PIEZO2: variants seen among roughly 807,000 people sequenced by gnomAD.
The protein encoded by PIEZO2 is piezo type mechanosensitive ion channel component 2.
Under a neutral mutation model 337.3 loss-of-function variants are expected in PIEZO2, and 172 were observed. The ratio of observed to expected loss-of-function variants is 0.51; its 90% CI spans 0.45 to 0.58. The LOEUF (loss-of-function observed/expected upper bound fraction) is 0.58, where lower values mean the gene tolerates loss of function less well. Ranked by LOEUF, PIEZO2 falls within the 20% of genes least tolerant of loss-of-function variation. The pLI is 0.00. For missense variants in PIEZO2, 3,028 were observed against 3,391.3 expected (o/e 0.89, Z 2.66); for synonymous variants, 1,251 against 1,228.5 (o/e 1.02, Z -0.38).
At chr18:10,689,015 C>G (rs944853840) in intron 49 of PIEZO2, among the ~76,000 whole-genome samples, 5 of 152,152 alleles carry the variant, frequency 3.3e-5, no homozygotes, top group Non-Finnish European at 7.3e-5. Flanking sequence ...CAGAACACAC[C>G]AGGAATCATA....
In PIEZO2 at chr18:10,767,579, G is replaced by A. The variant is rs552225685; in HGVS notation, c.2946+2569C>T. ...GAGCTAATGACTCGGAGCCCGATGCGTGAACCCTGGAGCTTGGGCACTGGT... is the reference window on the plus strand; with the variant it reads ...GAGCTAATGACTCGGAGCCCGATGCATGAACCCTGGAGCTTGGGCACTGGT... On this transcript the variant is annotated intron_variant, in intron 21 of 55. Coordinates refer to ENST00000674853, the MANE Select transcript of PIEZO2 (RefSeq NM_001378183.1). This position sits in a 1 kb window ranked among gnomAD's most constrained non-coding sequence, Gnocchi z 4.2. Among the ~76,000 whole-genome samples the A allele has an allele frequency of 1.1e-4, 17 of 152,298 alleles. No homozygotes were observed. Among genetic ancestry groups the A allele is most frequent in the African/African-American group, 3.8e-4 (16 of 41,576 alleles).
intron 2 of PIEZO2, among the ~76,000 whole-genome samples, chr18:11,034,071 T>C (rs1420863589): frequency 6.6e-6 from 1 of 152,134 alleles, no homozygotes; most frequent in Non-Finnish European, 1.5e-5. Flanking sequence ...TCTCACCCAA[T>C]GCTGTGTGTG....
rs1456231968 is a variant in PIEZO2 at position 10,982,722 on chromosome 18, T to C, written c.161-3062A>G. Among the ~76,000 whole-genome samples the C allele has an allele frequency of 6.6e-6, 1 of 151,580 alleles. No homozygotes were observed. The highest frequency in any genetic ancestry group is 1.5e-5 in the Non-Finnish European group (1 of 67,974). ...TAAAATATGTTATAAAACCATATGT[T>C]TATTTATTTTTTTTTTGAGACAGGG... On this transcript the variant is annotated intron_variant, in intron 2 of 55. Transcript: ENST00000674853. This position sits in a 1 kb window ranked among gnomAD's most constrained non-coding sequence, Gnocchi z 4.1.
chr18:10,931,326 A>G (rs1460690578), intron 3 of PIEZO2, among the ~76,000 whole-genome samples: 1 of 152,040 alleles, frequency 6.6e-6, no homozygotes, highest in Non-Finnish European at 1.5e-5. Flanking sequence ...CAGCCTCCCA[A>G]GTAGCTGGGA....
intron 8 of PIEZO2, among the ~76,000 whole-genome samples, chr18:10,805,237 A>T (rs1295391358): frequency 6.6e-6 from 1 of 152,236 alleles, no homozygotes; most frequent in Non-Finnish European, 1.5e-5. Context: ...AATAGTTCCC[A>T]TCGTGGTGGC....
rs75952706 is a variant in PIEZO2 at position 11,126,561 on chromosome 18, G to C, written c.64+21964C>G. 1.3e-5 allele frequency among the ~76,000 whole-genome samples: 2 copies of C among 151,802 alleles called. No individual in the cohort carries two copies. The highest frequency in any genetic ancestry group is 2.9e-5 in the Non-Finnish European group (2 of 67,996). ...ATACCATCAGCAATTTTTTTACTCT[G>C]AGAACTACAGAGAAGCTGAACTATC... On this transcript the variant is annotated intron_variant, in intron 1 of 55. Transcript: ENST00000674853. The surrounding 1 kb of genome is among the most constrained non-coding windows in gnomAD (Gnocchi z 4.6).
intron 2 of PIEZO2, among the ~76,000 whole-genome samples, chr18:11,013,138 T>C (rs921992365): frequency 6.6e-6 from 1 of 152,222 alleles, no homozygotes; most frequent in African/African-American, 2.4e-5. Context: ...TACTTTACAA[T>C]GCAAAAAGGA....
rs972969995 is a variant in PIEZO2, at chr18:10,794,345, T to C, written c.1758+427A>G. 1.3e-5 allele frequency among the ~76,000 whole-genome samples: 2 copies of C among 152,196 alleles called. No individual in the cohort carries two copies. The highest frequency in any genetic ancestry group is 4.8e-5 in the African/African-American group (2 of 41,450). On this transcript the variant is annotated intron_variant, in intron 13 of 55. Coordinates refer to ENST00000674853, the MANE Select transcript of PIEZO2 (RefSeq NM_001378183.1). This position sits in a 1 kb window ranked among gnomAD's most constrained non-coding sequence, Gnocchi z 6.6. Reference sequence around the variant, plus strand: ...GCTAAAAATGTTCTTTAGGAAAGAATTGGAGAAAAACGTCATGAATAATCA... The same window carrying C: ...GCTAAAAATGTTCTTTAGGAAAGAACTGGAGAAAAACGTCATGAATAATCA...
chr18:11,142,135 C>A (rs982749418), intron 1 of PIEZO2, among the ~76,000 whole-genome samples: 7 of 152,010 alleles, frequency 4.6e-5, no homozygotes, highest in Non-Finnish European at 8.8e-5. Flanking sequence ...TAAAGCAAGG[C>A]AAATAAAACT....
At chr18:11,107,550 G>A (rs1357450285) in intron 1 of PIEZO2, among the ~76,000 whole-genome samples, 1 of 152,104 alleles carries the variant, frequency 6.6e-6, no homozygotes, top group Admixed American at 6.5e-5. Context: ...GTATTATGTG[G>A]TTTACAGGAA....
chr18:10,834,638 A>C lies in PIEZO2; in HGVS notation c.917+20715T>G, dbSNP rs2040950035. Among the ~76,000 whole-genome samples, 1 of 152,172 alleles carries C rather than the reference A, an allele frequency of 6.6e-6. No homozygotes were observed. Among genetic ancestry groups the C allele is most frequent in the Non-Finnish European group, 1.5e-5 (1 of 68,038 alleles). ...GATTTCATGAGGTAGGTATCATGTA[A>C]GCAACTGTAGGAAGAAGAAGCCAAA... On this transcript the variant is annotated intron_variant, in intron 7 of 55. Coordinates refer to ENST00000674853, the MANE Select transcript of PIEZO2 (RefSeq NM_001378183.1). This position sits in a 1 kb window ranked among gnomAD's most constrained non-coding sequence, Gnocchi z 4.5.
At chr18:10,697,578 A>G (rs2035150000) in intron 45 of PIEZO2, among the ~76,000 whole-genome samples, 170 bp downstream of exon 45, 2 of 152,274 alleles carry the variant, frequency 1.3e-5, no homozygotes, top group South Asian at 4.1e-4. Context: ...ACACTTACAG[A>G]AAAATGATTT....
chr18:10,799,190 A>C (rs998891630), intron 11 of PIEZO2, among the ~76,000 whole-genome samples: 1 of 151,714 alleles, frequency 6.6e-6, no homozygotes, highest in African/African-American at 2.4e-5. Flanking sequence ...CCACAGATGC[A>C]AATTGGAGAG....
Position 10,720,234 on chromosome 18 carries a change from G to GTGTGTGTGTATATATATATATATATATA in PIEZO2, c.5030-1976_5030-1975insTATATATATATATATATATACACACACA, listed in dbSNP as rs1225106343. Among the ~76,000 whole-genome samples the GTGTGTGTGTATATATATATATATATATA allele has an allele frequency of 2.3e-4, 27 of 119,910 alleles. 2 individuals carry two copies. The East Asian group carries it at 4.0e-3, about 18-fold the overall frequency. 78.7% of individuals were successfully genotyped at this position (119,910 alleles called of 152,430 possible). On this transcript the variant is annotated intron_variant, in intron 36 of 55. Coordinates refer to ENST00000674853, the MANE Select transcript of PIEZO2 (RefSeq NM_001378183.1). ...TATATATGAATATATGTGTGTGTGT[G>GTGTGTGTGTATATATATATATATATATA]TATATATATATATATGGAGCCCAGG...
chr18:10,739,344 A>G (rs2037128205), intron 33 of PIEZO2: 1 of 152,250 alleles, frequency 6.6e-6, no homozygotes, highest in South Asian at 2.1e-4. Flanking sequence ...GGTGAAATGA[A>G]CCAGAAAATC....
chr18:10,993,967 T>C lies in PIEZO2; in HGVS notation c.161-14307A>G, dbSNP rs901049883. Among the ~76,000 whole-genome samples, 2 of 152,192 alleles carry C rather than the reference T, an allele frequency of 1.3e-5. No homozygotes were observed. The highest frequency in any genetic ancestry group is 4.8e-5 in the African/African-American group (2 of 41,438). Reference sequence around the variant, plus strand: ...TGGTGTACCCATCACCCAAGAAGTATACACTGAAGCCAATTTGTATGCTTT... The same window carrying C: ...TGGTGTACCCATCACCCAAGAAGTACACACTGAAGCCAATTTGTATGCTTT... On this transcript the variant is annotated intron_variant, in intron 2 of 55. Coordinates refer to ENST00000674853, the MANE Select transcript of PIEZO2 (RefSeq NM_001378183.1). This position sits in a 1 kb window ranked among gnomAD's most constrained non-coding sequence, Gnocchi z 5.0.
chr18:10,867,305 T>TA (rs767567201), intron 5 of PIEZO2, among the ~76,000 whole-genome samples: 200 of 152,076 alleles, frequency 1.3e-3, no homozygotes, highest in Non-Finnish European at 2.4e-3. Context: ...TCTTGCTCTT[T>TA]AAAAAAAACA....
At chr18:10,691,438 G>T in intron 47 of PIEZO2, 55 bp from the exon 48 acceptor site, 1 of 1,543,714 alleles carries the variant, frequency 6.5e-7, no homozygotes, top group Non-Finnish European at 8.8e-7. Flanking sequence ...TGAAACAAAA[G>T]GATGGCAGTG....
chr18:10,929,186 C>G lies in PIEZO2; in HGVS notation c.287-17958G>C, dbSNP rs1404312580. 2.0e-5 allele frequency among the ~76,000 whole-genome samples: 3 copies of G among 152,254 alleles called. No homozygotes were observed. The East Asian group carries it at 5.8e-4, about 29-fold the overall frequency. ...ATGAATTAGAGCCATAGAAAACACT[C>G]TTGTTTATGTGATGAGCTGGAGCAC... On this transcript the variant is annotated intron_variant, in intron 3 of 55. Transcript: ENST00000674853. The surrounding 1 kb of genome is among the most constrained non-coding windows in gnomAD (Gnocchi z 5.6).
Sources: allele counts gnomAD v4.1 joint callset (sites outside exome capture counted in the v4.1 genomes callset), GRCh38; gene constraint gnomAD v4.1.1; non-coding constraint Gnocchi (gnomAD v3.1); transcripts MANE v1.5; gene names NCBI Gene and HGNC (gene_info 2026-07-23, HGNC 2026-07-21).